The following LINGO2 variants were observed in gnomAD, a reference collection of about 807,000 sequenced individuals.
LINGO2 encodes leucine rich repeat and Ig domain containing 2.
Under a neutral mutation model 30.6 loss-of-function variants are expected in LINGO2, and 14 were observed. The ratio of observed to expected loss-of-function variants is 0.46; its 90% CI spans 0.30 to 0.72. The LOEUF (loss-of-function observed/expected upper bound fraction) is 0.72. Ranked by LOEUF, LINGO2 falls within the 30% of genes least tolerant of loss-of-function variation. The pLI is 0.07. For missense variants in LINGO2, 729 were observed against 751.7 expected (o/e 0.97, Z 0.35); for synonymous variants, 317 against 288.5 (o/e 1.10, Z -1.00).
At chr9:28,928,035 T>A in the LINGO2 span, among the ~76,000 whole-genome samples, 5 of 152,238 alleles carry the variant, frequency 3.3e-5, no homozygotes, top group Admixed American at 3.3e-4. Context: ...TCTTATTTAG[T>A]CTTTGCAAAA....
the LINGO2 span, among the ~76,000 whole-genome samples, chr9:28,757,903 G>T: frequency 1.0e-3 from 153 of 152,104 alleles, 2 homozygotes; most frequent in African/African-American, 3.6e-3. Context: ...GGCATCTAGT[G>T]TACTTTTTGC....
intron 1 of LINGO2, among the ~76,000 whole-genome samples, chr9:28,503,171 C>A (rs774078875): frequency 1.3e-5 from 2 of 152,024 alleles, no homozygotes; most frequent in Non-Finnish European, 2.9e-5. Flanking sequence ...ACTTTGGGTT[C>A]ATTACAGCCA....
At chr9:28,352,138 A>T (rs1166748000) in intron 3 of LINGO2, among the ~76,000 whole-genome samples, 4 of 150,950 alleles carry the variant, frequency 2.6e-5, no homozygotes, top group Non-Finnish European at 4.5e-5. Flanking sequence ...ATAGTGTTGG[A>T]AGTTCTGGCC....
At chr9:28,734,037 C>T in the LINGO2 span, among the ~76,000 whole-genome samples, 8 of 152,148 alleles carry the variant, frequency 5.3e-5, no homozygotes, top group South Asian at 2.1e-4. Flanking sequence ...ATGGATAGTA[C>T]CAAACCCTAT....
chr9:28,017,998 A>G (rs931447177), intron 4 of LINGO2, among the ~76,000 whole-genome samples: 1 of 152,194 alleles, frequency 6.6e-6, no homozygotes, highest in African/African-American at 2.4e-5. Flanking sequence ...TGGTATTGGA[A>G]CAGAAACAGA....
chr9:28,820,229 C>A, the LINGO2 span, among the ~76,000 whole-genome samples: 3 of 142,480 alleles, frequency 2.1e-5, no homozygotes, highest in Admixed American at 7.1e-5. Context: ...GGAAAGGGCA[C>A]GTGCTGGAGA....
At chr9:28,586,453 A>G (rs1824545652) in intron 1 of LINGO2, among the ~76,000 whole-genome samples, 4 of 151,978 alleles carry the variant, frequency 2.6e-5, no homozygotes, top group Admixed American at 2.6e-4. Context: ...AGCCTCCCCC[A>G]TTTTCATGCA....
chr9:28,106,945 C>G (rs1288153558), intron 4 of LINGO2, among the ~76,000 whole-genome samples: 5 of 152,158 alleles, frequency 3.3e-5, no homozygotes, highest in Non-Finnish European at 7.4e-5. Flanking sequence ...ACTTACCACA[C>G]AAGAAAAACA....
At chr9:28,233,744 A>G (rs569176199) in intron 4 of LINGO2, among the ~76,000 whole-genome samples, 9 of 152,274 alleles carry the variant, frequency 5.9e-5, no homozygotes, top group Admixed American at 2.6e-4. Context: ...TTTGGATGCC[A>G]GTTCAGCCAC....
intron 3 of LINGO2, among the ~76,000 whole-genome samples, chr9:28,311,179 A>AG (rs1210605009): frequency 8.5e-5 from 13 of 152,178 alleles, no homozygotes; most frequent in Non-Finnish European, 2.9e-5. Flanking sequence ...AGTTTTTATT[A>AG]GTGATTTTCA....
chr9:28,592,870 G>A (rs1397461472), intron 1 of LINGO2, among the ~76,000 whole-genome samples: 1 of 152,028 alleles, frequency 6.6e-6, no homozygotes, highest in African/African-American at 2.4e-5. Flanking sequence ...GATATCTTCT[G>A]TAGCCCTCTT....
the LINGO2 span, among the ~76,000 whole-genome samples, chr9:29,190,032 G>GGAGGGA: frequency 0.11 from 13,972 of 126,316 alleles, 1,241 homozygotes; most frequent in East Asian, 0.28. Flanking sequence ...CCGTGGGGAG[G>GGAGGGA]GAGGGAGAGG....
intron 1 of LINGO2, among the ~76,000 whole-genome samples, chr9:28,610,468 G>A (rs1825868834): frequency 6.6e-6 from 1 of 152,130 alleles, no homozygotes; most frequent in Non-Finnish European, 1.5e-5. Context: ...CAGTGTTTGG[G>A]AGGTGATGAA....
intron 2 of LINGO2, among the ~76,000 whole-genome samples, chr9:28,444,315 A>G (rs1430206267): frequency 1.3e-5 from 2 of 152,298 alleles, no homozygotes; most frequent in African/African-American, 4.8e-5. Flanking sequence ...GGTTCCCAAA[A>G]CCAAAGCTGC....
chr9:27,949,086 G>C (rs746633622), exon 6 of LINGO2: 1 of 1,614,154 alleles, frequency 6.2e-7, no homozygotes, highest in Non-Finnish European at 8.5e-7. Context: ...ATTGGCATTG[G>C]TGCCATTGGA....
intron 4 of LINGO2, among the ~76,000 whole-genome samples, chr9:28,150,471 C>T (rs1827967683): frequency 6.6e-6 from 1 of 152,182 alleles, no homozygotes; most frequent in African/African-American, 2.4e-5. Flanking sequence ...GTGGTCCCAG[C>T]TACTCGGGAG....
intron 1 of LINGO2, among the ~76,000 whole-genome samples, chr9:28,584,447 CA>C (rs1222037140): frequency 2.6e-5 from 4 of 152,010 alleles, no homozygotes; most frequent in African/African-American, 9.7e-5. Flanking sequence ...CTAATTATTT[CA>C]TGTTCATAGT....
intron 1 of LINGO2, among the ~76,000 whole-genome samples, chr9:28,485,723 C>A (rs765042349): frequency 1.6e-4 from 25 of 152,074 alleles, no homozygotes; most frequent in Non-Finnish European, 2.9e-4. Context: ...AAACCAACCC[C>A]TTGTACACAT....
At chr9:29,102,451 G>C in the LINGO2 span, among the ~76,000 whole-genome samples, 2 of 152,170 alleles carry the variant, frequency 1.3e-5, no homozygotes, top group Non-Finnish European at 2.9e-5. Context: ...AGAATAATGG[G>C]AGCTGGCGTA....
Sources: allele counts gnomAD v4.1 joint callset (sites outside exome capture counted in the v4.1 genomes callset), GRCh38; gene constraint gnomAD v4.1.1; transcripts MANE v1.5; gene names NCBI Gene and HGNC (gene_info 2026-07-23, HGNC 2026-07-21).